ZFPM2: variants seen among roughly 807,000 people sequenced by gnomAD.
ZFPM2 encodes zinc finger protein, FOG family member 2, also known as zinc finger protein ZFPM2.
In ZFPM2, 20 loss-of-function variants were observed where a neutral mutation model predicts 98.6. The ratio of observed to expected loss-of-function variants is 0.20; its 90% CI spans 0.14 to 0.29. The LOEUF is 0.29. Ranked by LOEUF, ZFPM2 falls within the 10% of genes least tolerant of loss-of-function variation. The pLI is 1.00. For synonymous variants in ZFPM2, 518 were observed against 502.7 expected, an observed-to-expected ratio of 1.03 and a Z score of -0.41; for missense variants, 1,310 against 1,388.6, an observed-to-expected ratio of 0.94 and a Z score of 0.90.
chr8:105,703,848 C>T (rs1811198835), intron 5 of ZFPM2, among the ~76,000 whole-genome samples: 1 of 152,048 alleles, frequency 6.6e-6, no homozygotes, highest in African/African-American at 2.4e-5. Context: ...TATGTCTTTC[C>T]ACGATTATCC....
chr8:105,643,102 G>C (rs906588413), intron 5 of ZFPM2, among the ~76,000 whole-genome samples: 1 of 152,100 alleles, frequency 6.6e-6, no homozygotes, highest in African/African-American at 2.4e-5. Flanking sequence ...GAGGGTACAC[G>C]TGATGAAATC....
At chr8:105,702,832 G>T (rs759692279) in intron 5 of ZFPM2, among the ~76,000 whole-genome samples, 2 of 152,300 alleles carry the variant, frequency 1.3e-5, no homozygotes, top group East Asian at 3.9e-4. Flanking sequence ...GAAAGTGAAG[G>T]CACTGCCTTG....
intron 5 of ZFPM2, among the ~76,000 whole-genome samples, chr8:105,770,880 A>G (rs774132413): frequency 1.3e-5 from 2 of 152,268 alleles, no homozygotes; most frequent in Middle Eastern, 3.4e-3. Flanking sequence ...ATTGAAAAGA[A>G]TATCACCCAC....
intron 3 of ZFPM2, among the ~76,000 whole-genome samples, chr8:105,536,447 T>C (rs966366843): frequency 2.0e-5 from 3 of 152,056 alleles, no homozygotes; most frequent in Non-Finnish European, 4.4e-5. Context: ...AATCTTATCT[T>C]TTTTTTATGC....
At chr8:105,423,852 C>T (rs538950321) in intron 2 of ZFPM2, among the ~76,000 whole-genome samples, 12 of 151,964 alleles carry the variant, frequency 7.9e-5, no homozygotes, top group East Asian at 3.9e-4. Context: ...GTGGGATTGG[C>T]GTGGAGCAGT....
chr8:105,675,697 G>A (rs559278190), intron 5 of ZFPM2, among the ~76,000 whole-genome samples: 8 of 152,194 alleles, frequency 5.3e-5, no homozygotes, highest in South Asian at 4.2e-4. Context: ...TTTCAGAGGC[G>A]GAGATTGTCA....
intron 3 of ZFPM2, among the ~76,000 whole-genome samples, chr8:105,515,888 G>A (rs1175102252): frequency 6.9e-6 from 1 of 145,576 alleles, no homozygotes; most frequent in African/African-American, 2.5e-5. Flanking sequence ...ACCAGTCATT[G>A]TGCAAGAAAG....
chr8:105,629,454 TAATC>T (rs1214179890), intron 4 of ZFPM2, among the ~76,000 whole-genome samples: 1 of 152,242 alleles, frequency 6.6e-6, no homozygotes, highest in East Asian at 1.9e-4. Flanking sequence ...GTTTTAACTG[TAATC>T]AATAAATGTG....
intron 3 of ZFPM2, among the ~76,000 whole-genome samples, chr8:105,483,356 G>A (rs1813162222): frequency 2.0e-5 from 3 of 152,052 alleles, no homozygotes; most frequent in Middle Eastern, 3.2e-3. Flanking sequence ...TTGGGAAGCT[G>A]AGGCGAGTGG....
intron 3 of ZFPM2, among the ~76,000 whole-genome samples, chr8:105,560,580 T>C (rs576350379): frequency 2.6e-5 from 4 of 152,034 alleles, no homozygotes; most frequent in Non-Finnish European, 5.9e-5. Flanking sequence ...GGCCGTTTTT[T>C]TTTTTTTTGA....
intron 1 of ZFPM2, among the ~76,000 whole-genome samples, chr8:105,418,349 C>T (rs368485446): frequency 1.3e-5 from 2 of 152,108 alleles, no homozygotes; most frequent in African/African-American, 2.4e-5. Context: ...CAGAAATTCA[C>T]AATCAGCCCA....
In ZFPM2 at chr8:105,694,243, C is replaced by G. The variant is rs112607315; in HGVS notation, c.532+59886C>G. 1.9e-3 allele frequency among the ~76,000 whole-genome samples: 295 copies of G among 152,096 alleles called. 1 individual carries two copies. Among genetic ancestry groups the G allele is most frequent in the African/African-American group, 7.0e-3 (291 of 41,496 alleles). ...CCTTGTGATCTGCCCCCCGCGGCCT[C>G]CCAAAGTGCTGGGATTACAGGCCTG... On this transcript the variant is annotated intron_variant, in intron 5 of 7. Coordinates refer to ENST00000407775, the MANE Select transcript of ZFPM2 (RefSeq NM_012082.4).
chr8:105,602,677 A>C (rs1362850969), intron 4 of ZFPM2, among the ~76,000 whole-genome samples: 1 of 152,060 alleles, frequency 6.6e-6, no homozygotes, highest in African/African-American at 2.4e-5. Context: ...ATGTGTGTAC[A>C]TACTATATAT....
At chr8:105,420,590 T>C (rs1213058310) in intron 2 of ZFPM2, among the ~76,000 whole-genome samples, 1 of 152,178 alleles carries the variant, frequency 6.6e-6, no homozygotes, top group Non-Finnish European at 1.5e-5. Context: ...GAGAAAAGTA[T>C]GAACAGAATA....
At chr8:105,602,770 TA>T (rs1816119557) in intron 4 of ZFPM2, among the ~76,000 whole-genome samples, 1 of 152,130 alleles carries the variant, frequency 6.6e-6, no homozygotes, top group African/African-American at 2.4e-5. Flanking sequence ...GTATTTTATG[TA>T]ATATAATTTA....
Position 105,801,584 on chromosome 8 carries a change from T to A in ZFPM2, c.1502T>A (p.Phe501Tyr). Residue 501 changes from phenylalanine (F) to tyrosine (Y), a missense_variant, in exon 8 of 8, where the codon TTT (phenylalanine) becomes TAT (tyrosine). Phe to Tyr is a conservative substitution (Grantham distance 22). Transcript: ENST00000407775. ...CCTGTGGGCCCTTTCCTATCTCAGT[T>A]TTCTTTCCCCCAAGATATCACCATG... ...SFPVGPFLSQ[F>Y]SFPQDITMVP... 6.2e-7 allele frequency: 1 copy of A among 1,613,892 alleles called. No homozygotes were observed. The highest frequency in any genetic ancestry group is 8.5e-7 in the Non-Finnish European group (1 of 1,179,860).
At chr8:105,470,656 T>C (rs1271130168) in intron 3 of ZFPM2, among the ~76,000 whole-genome samples, 2 of 152,096 alleles carry the variant, frequency 1.3e-5, no homozygotes, top group Non-Finnish European at 2.9e-5. Flanking sequence ...CACATGCCTG[T>C]AGTCCCAGGT....
At chr8:105,460,610 A>C (rs1180146941) in intron 3 of ZFPM2, among the ~76,000 whole-genome samples, 2 of 152,120 alleles carry the variant, frequency 1.3e-5, no homozygotes, top group Non-Finnish European at 2.9e-5. Flanking sequence ...GCTTTTAAGA[A>C]ATTTGGGTAA....
chr8:105,677,136 C>A (rs1810489855), intron 5 of ZFPM2, among the ~76,000 whole-genome samples: 2 of 152,036 alleles, frequency 1.3e-5, no homozygotes, highest in Non-Finnish European at 2.9e-5. Context: ...TTCAAGATTT[C>A]AAGTTCAATT....
Sources: gnomAD v4.1 joint callset for allele counts (sites outside exome capture counted in the v4.1 genomes callset) on GRCh38, gnomAD v4.1.1 for gene constraint, MANE v1.5 for transcripts, NCBI Gene and HGNC (gene_info 2026-07-23, HGNC 2026-07-21) for gene names.